The following SCLT1 variants were observed in gnomAD, a reference collection of about 807,000 sequenced individuals.
The protein encoded by SCLT1 is sodium channel and clathrin linker 1.
SCLT1 carries 78 observed loss-of-function variants against 112.8 expected under a neutral mutation model. That is an observed-to-expected ratio of 0.69 (90% confidence interval 0.58 to 0.83). The LOEUF is 0.83. Among genes scored for constraint, SCLT1 ranks in the 40% least tolerant of loss-of-function variants. The pLI is 0.00. For missense variants in SCLT1, 747 were observed against 770.4 expected (o/e 0.97, Z 0.36); for synonymous variants, 257 against 254.7 (o/e 1.01, Z -0.09).
At chr4:129,008,206 G>C (rs947475210) in intron 5 of SCLT1, among the ~76,000 whole-genome samples, 1 of 152,038 alleles carries the variant, frequency 6.6e-6, no homozygotes, top group African/African-American at 2.4e-5. Context: ...TTTGGGATTT[G>C]GATTAATTCT....
rs542026408 is a variant in SCLT1 at position 128,939,387 on chromosome 4, G to C, written c.1633-2536C>G. Among the ~76,000 whole-genome samples the C allele has an allele frequency of 3.9e-4, 60 of 152,242 alleles. 1 individual carries two copies. Among genetic ancestry groups the C allele is most frequent in the African/African-American group, 1.3e-3 (56 of 41,548 alleles). On this transcript the variant is annotated intron_variant, in intron 17 of 20. Transcript: ENST00000281142. ...TCTCGAACAAGCACCATAGCCTTTA[G>C]TATATACAATTCGAATTACTACCTA...
chr4:129,013,231 A>G (rs1744697688), intron 5 of SCLT1, among the ~76,000 whole-genome samples: 1 of 152,172 alleles, frequency 6.6e-6, no homozygotes, highest in South Asian at 2.1e-4. Flanking sequence ...TATAAGTGAG[A>G]ACACGCGGTA....
At chr4:129,075,846 A>T (rs1751416883) in intron 2 of SCLT1, among the ~76,000 whole-genome samples, 1 of 152,106 alleles carries the variant, frequency 6.6e-6, no homozygotes. Flanking sequence ...TAGCCTTGCC[A>T]TTTCTTTAAT....
At chr4:128,975,108 G>C (rs1741045902) in intron 9 of SCLT1, among the ~76,000 whole-genome samples, 1 of 138,798 alleles carries the variant, frequency 7.2e-6, no homozygotes, top group African/African-American at 2.8e-5. Flanking sequence ...GTACGATCTT[G>C]GCTCACTGCA....
In SCLT1 at chr4:128,981,552, G is replaced by T. The variant is rs571835852; in HGVS notation, c.686+10615C>A. On this transcript the variant is annotated intron_variant, in intron 9 of 20. Coordinates refer to ENST00000281142, the MANE Select transcript of SCLT1 (RefSeq NM_144643.4). ...CCTGGACCTGCCAACCGTTTCTGTG[G>T]CCCCTACCCAGGAACTGACTCAGCA... Among the ~76,000 whole-genome samples, 6 of 152,062 alleles carry T rather than the reference G, an allele frequency of 3.9e-5. No homozygotes were observed. In the East Asian group the frequency reaches 1.2e-3, roughly 30 times the overall value.
chr4:128,994,724 T>C (rs1037906290), intron 8 of SCLT1, among the ~76,000 whole-genome samples: 3 of 152,164 alleles, frequency 2.0e-5, no homozygotes, highest in African/African-American at 7.2e-5. Context: ...TGTGAGGTGA[T>C]ACATCATTGT....
intron 5 of SCLT1, among the ~76,000 whole-genome samples, chr4:129,011,005 G>C (rs1226954368): frequency 6.6e-6 from 1 of 152,162 alleles, no homozygotes; most frequent in Non-Finnish European, 1.5e-5. Context: ...CCAGTTTTCA[G>C]GAAGAATGTT....
At chr4:128,952,019 AG>A (rs1249322980) in intron 14 of SCLT1, among the ~76,000 whole-genome samples, 1 of 152,146 alleles carries the variant, frequency 6.6e-6, no homozygotes, top group Non-Finnish European at 1.5e-5. Context: ...GGCAAGCAAC[AG>A]GGAAAATAAA....
In SCLT1 at chr4:129,093,190, G is replaced by A. The variant is rs1753011422; in HGVS notation, c.-87C>T. 1 of 1,274,380 alleles carries A rather than the reference G, an allele frequency of 7.8e-7. No homozygotes were observed. The highest frequency in any genetic ancestry group is 1.5e-5 in the African/African-American group (1 of 67,908). 78.9% of individuals were successfully genotyped at this position (1,274,380 alleles called of 1,614,324 possible). On this transcript the variant is annotated 5_prime_UTR_variant, in exon 1 of 21. Transcript: ENST00000281142. ...TTGCTGTGCGGGAAAACAAAACTAA[G>A]CCAACGCTCGGTTGGTTGTCAAGCG...
chr4:128,902,907 C>T (rs1734430562), intron 18 of SCLT1, among the ~76,000 whole-genome samples: 1 of 152,088 alleles, frequency 6.6e-6, no homozygotes, highest in Non-Finnish European at 1.5e-5. Context: ...ACAACGCCTA[C>T]ACAGGGTCAG....
intron 2 of SCLT1, among the ~76,000 whole-genome samples, chr4:129,050,693 T>C (rs1158853195): frequency 6.6e-6 from 1 of 152,228 alleles, no homozygotes; most frequent in Non-Finnish European, 1.5e-5. Context: ...CTGTTCACTC[T>C]GATGATAGTT....
At chr4:128,911,006 G>A (rs1240043954) in intron 18 of SCLT1, among the ~76,000 whole-genome samples, 10 of 152,172 alleles carry the variant, frequency 6.6e-5, no homozygotes, top group Non-Finnish European at 1.5e-5. Context: ...GCTCACGCCT[G>A]TAATCCCAGC....
intron 2 of SCLT1, among the ~76,000 whole-genome samples, chr4:129,049,194 G>T (rs1444266177): frequency 5.9e-5 from 9 of 151,502 alleles, no homozygotes; most frequent in African/African-American, 1.9e-4. Context: ...TGTTTACTGC[G>T]GCATTATTCA....
chr4:128,986,665 T>C (rs570390594), intron 9 of SCLT1, among the ~76,000 whole-genome samples: 1 of 152,202 alleles, frequency 6.6e-6, no homozygotes, highest in African/African-American at 2.4e-5. Context: ...AAGTCCCAGA[T>C]TCTAGATTTT....
intron 9 of SCLT1, among the ~76,000 whole-genome samples, chr4:128,989,802 A>G (rs1041635894): frequency 6.6e-5 from 10 of 151,804 alleles, no homozygotes; most frequent in Non-Finnish European, 1.2e-4. Context: ...TCAAAATATC[A>G]TAAGAAACTA....
intron 18 of SCLT1, among the ~76,000 whole-genome samples, chr4:128,920,000 C>G (rs1328570377): frequency 6.6e-6 from 1 of 152,072 alleles, no homozygotes; most frequent in Non-Finnish European, 1.5e-5. Context: ...CCTACTGAGA[C>G]TACTCCAAAA....
At chr4:129,066,491 C>T (rs1750498254) in intron 2 of SCLT1, among the ~76,000 whole-genome samples, 1 of 151,920 alleles carries the variant, frequency 6.6e-6, no homozygotes, top group East Asian at 1.9e-4. Context: ...TTATTGCAAC[C>T]ACCTCCAGCA....
At chr4:128,972,962 T>C (rs1740822142) in intron 9 of SCLT1, among the ~76,000 whole-genome samples, 1 of 152,186 alleles carries the variant, frequency 6.6e-6, no homozygotes, top group Non-Finnish European at 1.5e-5. Context: ...ACATCTAGCC[T>C]CAAAGAGTCT....
chr4:128,921,858 C>A (rs778626359), intron 18 of SCLT1, among the ~76,000 whole-genome samples: 1 of 152,028 alleles, frequency 6.6e-6, no homozygotes, highest in African/African-American at 2.4e-5. Context: ...AGTAAATAGA[C>A]AATCTACAGA....
Sources: gnomAD v4.1 joint callset for allele counts (sites outside exome capture counted in the v4.1 genomes callset) on GRCh38, gnomAD v4.1.1 for gene constraint, MANE v1.5 for transcripts, NCBI Gene and HGNC (gene_info 2026-07-23, HGNC 2026-07-21) for gene names.